KDM3B: variants seen among roughly 807,000 people sequenced by gnomAD.
KDM3B encodes the protein lysine-specific demethylase 3B.
A neutral mutation model predicts 170.0 loss-of-function variants in KDM3B; 10 were observed. The ratio of observed to expected loss-of-function variants is 0.06; its 90% confidence interval spans 0.04 to 0.10. KDM3B has a LOEUF of 0.10. KDM3B is among the 10% of genes least tolerant of loss of function. The pLI is 1.00. For synonymous variants in KDM3B, 831 were observed against 834.8 expected, an observed-to-expected ratio of 1.00 and a Z score of 0.08; for missense variants, 1,394 against 2,195.2, an observed-to-expected ratio of 0.64 and a Z score of 7.29.
rs565292302 is a variant in KDM3B at position 138,409,979 on chromosome 5, CG to C, written c.3200-5150del. Among the ~76,000 whole-genome samples, 82 of 151,534 alleles carry C rather than the reference CG, an allele frequency of 5.4e-4. 1 individual carries two copies. The East Asian group carries it at 0.016, about 29-fold the overall frequency. On this transcript the variant is annotated intron_variant, in intron 11 of 23. Coordinates refer to ENST00000314358, the MANE Select transcript of KDM3B (RefSeq NM_016604.4). ...GCACATGCCTGTAATCCCAGCTTCT[CG>C]GGAGGCTGAGGCAGGAGAATTGCTT...
intron 3 of KDM3B, among the ~76,000 whole-genome samples, chr5:138,375,812 G>T (rs985682151): frequency 6.6e-6 from 1 of 152,030 alleles, no homozygotes; most frequent in African/African-American, 2.4e-5. Context: ...AAGTAGCTGG[G>T]ATTACAGGCA....
chr5:138,372,902 C>T, intron 2 of KDM3B, 61 bp downstream of exon 2: 1 of 1,443,668 alleles, frequency 6.9e-7, no homozygotes, highest in Non-Finnish European at 9.5e-7. Flanking sequence ...ATAACTATGA[C>T]ATGTTAGGGA....
chr5:138,428,321 C>T (rs1029569109), intron 20 of KDM3B, among the ~76,000 whole-genome samples: 2 of 152,060 alleles, frequency 1.3e-5, no homozygotes, highest in African/African-American at 2.4e-5. Flanking sequence ...AAGCGATTCT[C>T]CTGCCTCAGC....
At chr5:138,434,694 AT>A (rs980311347) in intron 23 of KDM3B, among the ~76,000 whole-genome samples, 12 of 151,932 alleles carry the variant, frequency 7.9e-5, no homozygotes, top group African/African-American at 2.9e-4. Context: ...ATATAGATAT[AT>A]TTTTTTAATC....
rs780130299 is a variant in KDM3B at position 138,386,424 on chromosome 5, G to GCCC, written c.1185_1187dup (p.Pro396dup). The GCCC allele has an allele frequency of 6.2e-7, 1 of 1,614,176 alleles. No individual in the cohort carries two copies. Among genetic ancestry groups the GCCC allele is most frequent in the Non-Finnish European group, 8.5e-7 (1 of 1,180,040 alleles). ...TACAGCCACAGGTCAGACACCTTTG[G>GCCC]CCCCAGAGGTGGGTGGAGCCGAAAA... On this transcript the variant is annotated inframe_insertion, in exon 7 of 24. Coordinates refer to ENST00000314358, the MANE Select transcript of KDM3B (RefSeq NM_016604.4).
chr5:138,364,003 G>A (rs1175483188), intron 1 of KDM3B, among the ~76,000 whole-genome samples: 2 of 147,396 alleles, frequency 1.4e-5, no homozygotes, highest in East Asian at 2.1e-4. Flanking sequence ...TGCAACCTCC[G>A]CCTCCCGACT....
intron 19 of KDM3B, 120 bp from the exon 20 acceptor site, chr5:138,427,847 C>G: frequency 3.6e-4 from 305 of 837,784 alleles, no homozygotes; most frequent in Non-Finnish European, 5.2e-4. Context: ...AACAAATAGA[C>G]TTCACTCTCC....
chr5:138,389,430 G>A (rs1349858484), intron 7 of KDM3B, among the ~76,000 whole-genome samples: 2 of 151,942 alleles, frequency 1.3e-5, no homozygotes, highest in South Asian at 2.1e-4. Context: ...TTTGTTTATC[G>A]GGAATCACTT....
intron 11 of KDM3B, among the ~76,000 whole-genome samples, chr5:138,412,267 C>T (rs1408239828): frequency 6.0e-5 from 9 of 151,160 alleles, no homozygotes; most frequent in African/African-American, 1.9e-4. Flanking sequence ...ACCCAGGAAG[C>T]GGAGGTTGCA....
intron 1 of KDM3B, among the ~76,000 whole-genome samples, chr5:138,364,204 C>G (rs1761687815): frequency 1.3e-5 from 2 of 152,162 alleles, no homozygotes; most frequent in Non-Finnish European, 2.9e-5. Context: ...AGGTTGTAAG[C>G]CAGCGCACCC....
At chr5:138,405,106 C>T (rs73257862) in intron 11 of KDM3B, among the ~76,000 whole-genome samples, 6 of 147,994 alleles carry the variant, frequency 4.1e-5, no homozygotes, top group Admixed American at 2.7e-4. Flanking sequence ...TGCGGTGGTG[C>T]GATCTTGGCT....
At chr5:138,415,390 CATTATT>C (rs910025837) in intron 12 of KDM3B, 151 bp downstream of exon 12, 2 of 524,196 alleles carry the variant, frequency 3.8e-6, no homozygotes, top group South Asian at 3.0e-5. Flanking sequence ...TTATTATTAT[CATTATT>C]ATTATTGTTA....
chr5:138,435,534 C>T, intron 23 of KDM3B, 86 bp from the exon 24 acceptor site: 1 of 1,053,276 alleles, frequency 9.5e-7, no homozygotes, highest in Non-Finnish European at 1.4e-6. Flanking sequence ...GGAGTTTCCC[C>T]ACTAAACCAG....
At chr5:138,354,660 CA>C (rs1937371778) in intron 1 of KDM3B, among the ~76,000 whole-genome samples, 1 of 152,196 alleles carries the variant, frequency 6.6e-6, no homozygotes. Flanking sequence ...GCTGGACACC[CA>C]CTAAGCTAAA....
chr5:138,359,838 T>C (rs1368508678), intron 1 of KDM3B, among the ~76,000 whole-genome samples: 1 of 152,162 alleles, frequency 6.6e-6, no homozygotes, highest in Non-Finnish European at 1.5e-5. Context: ...TTTTTTTTTA[T>C]CCCTTAATCT....
In KDM3B at chr5:138,428,070, G is replaced by A; in HGVS notation, c.4737G>A (p.Glu1579=). 4 of 1,613,936 alleles carry A rather than the reference G, an allele frequency of 2.5e-6. No individual in the cohort carries two copies. Among genetic ancestry groups the A allele is most frequent in the Middle Eastern group, 1.7e-4 (1 of 6,060 alleles). The part of the protein sequence containing the change: ...VMVYVGIPIG[E]GAHDEEVLKT... Reference sequence around the variant, plus strand: ...TGTATGTTGGGATTCCCATCGGGGAGGGTGCTCATGATGAAGGTATGCTTT... The same window carrying A: ...TGTATGTTGGGATTCCCATCGGGGAAGGTGCTCATGATGAAGGTATGCTTT... The change falls in exon 20 of 24, where the codon GAG becomes GAA. Residue 1579 remains glutamate, a synonymous_variant. Transcript: ENST00000314358.
In KDM3B at chr5:138,424,188, C is replaced by T; in HGVS notation, c.4086C>T (p.Thr1362=). ...AGCGGGCCTGCAACTTGACTGATAC[C>T]CAGAAGGAAGTGAAGGAGATGGTGA... is the stretch of plus-strand genomic sequence containing the variant. The part of the protein sequence containing the change: ...ASKRACNLTD[T]QKEVKEMVMG... Residue 1362 remains threonine, a synonymous_variant, in exon 16 of 24, where the codon ACC becomes ACT. Transcript: ENST00000314358. 1 of 1,613,982 alleles carries T rather than the reference C, an allele frequency of 6.2e-7. No individual in the cohort carries two copies.
At chr5:138,380,326 G>T (rs1359983774) in intron 5 of KDM3B, among the ~76,000 whole-genome samples, 1 of 148,556 alleles carries the variant, frequency 6.7e-6, no homozygotes, top group South Asian at 2.1e-4. Context: ...TGATATATAT[G>T]AGTTATATGA....
intron 1 of KDM3B, among the ~76,000 whole-genome samples, chr5:138,369,914 A>G (rs1462669945): frequency 6.6e-6 from 1 of 152,228 alleles, no homozygotes; most frequent in African/African-American, 2.4e-5. Context: ...AGATTTGAGG[A>G]AGGAAAAGTA....
Sources: gnomAD v4.1 joint callset for allele counts (sites outside exome capture counted in the v4.1 genomes callset) on GRCh38, gnomAD v4.1.1 for gene constraint, MANE v1.5 for transcripts, NCBI Gene and HGNC (gene_info 2026-07-23, HGNC 2026-07-21) for gene names.